Variants in GRIA2 observed in about 807,000 individuals in gnomAD.
GRIA2 encodes the protein glutamate receptor 2.
In GRIA2, 14 loss-of-function variants were observed where a neutral mutation model predicts 97.3. The observed-to-expected ratio is 0.14, with a 90% CI of 0.10 to 0.23. GRIA2 has a LOEUF of 0.23. Ranked by LOEUF, GRIA2 falls within the 10% of genes least tolerant of loss-of-function variation. The pLI is 1.00. For missense variants in GRIA2, 558 were observed against 1,069.8 expected, an observed-to-expected ratio of 0.52 and a Z score of 6.67; for synonymous variants, 412 against 387.8, an observed-to-expected ratio of 1.06 and a Z score of -0.73.
chr4:157,310,866 T>A (rs1465573082), intron 3 of GRIA2, among the ~76,000 whole-genome samples: 1 of 152,064 alleles, frequency 6.6e-6, no homozygotes, highest in Non-Finnish European at 1.5e-5. Context: ...GTAGTTAGAT[T>A]TAGAAGTGTG....
At chr4:157,221,409 G>A in intron 1 of GRIA2, 1 of 571,148 alleles carries the variant, frequency 1.8e-6, no homozygotes, top group East Asian at 2.9e-5. Flanking sequence ...TTTTCTTGGG[G>A]TCTGAATGCA....
At chr4:157,237,989 G>A (rs939350405) in intron 2 of GRIA2, among the ~76,000 whole-genome samples, 3 of 152,032 alleles carry the variant, frequency 2.0e-5, no homozygotes, top group Non-Finnish European at 4.4e-5. Context: ...CAATCCATAT[G>A]TGTTCACAAA....
chr4:157,265,448 T>C (rs1213299818), intron 2 of GRIA2, among the ~76,000 whole-genome samples: 2 of 152,110 alleles, frequency 1.3e-5, no homozygotes, highest in South Asian at 2.1e-4. Flanking sequence ...AAGCTTGCCA[T>C]GTGACCTGGG....
chr4:157,340,633 A>G (rs1476298379), intron 11 of GRIA2, among the ~76,000 whole-genome samples: 1 of 151,866 alleles, frequency 6.6e-6, no homozygotes, highest in Non-Finnish European at 1.5e-5. Flanking sequence ...CATACTCTGA[A>G]GCCATCTGAT....
At chr4:157,253,616 G>A (rs1298872408) in intron 2 of GRIA2, among the ~76,000 whole-genome samples, 2 of 151,982 alleles carry the variant, frequency 1.3e-5, no homozygotes. Context: ...TAGAATACTA[G>A]AACTTAAAAT....
At chr4:157,341,499 C>G (rs1379419681) in intron 12 of GRIA2, 37 bp downstream of exon 12, 2 of 1,418,942 alleles carry the variant, frequency 1.4e-6, no homozygotes, top group Non-Finnish European at 1.0e-6. Context: ...GATTTTGTTC[C>G]TGAAATTTAA....
chr4:157,281,297 T>C (rs1732582285), intron 2 of GRIA2, among the ~76,000 whole-genome samples: 1 of 152,114 alleles, frequency 6.6e-6, no homozygotes, highest in Non-Finnish European at 1.5e-5. Flanking sequence ...GTTTCCCTAA[T>C]TCATTGCTCT....
At chr4:157,339,418 G>C (rs1015530312) in intron 11 of GRIA2, among the ~76,000 whole-genome samples, 2 of 151,738 alleles carry the variant, frequency 1.3e-5, no homozygotes, top group African/African-American at 4.8e-5. Context: ...AATTTCTCAG[G>C]AACTCTTTGA....
At chr4:157,283,978 G>T (rs561006466) in intron 2 of GRIA2, among the ~76,000 whole-genome samples, 1 of 151,868 alleles carries the variant, frequency 6.6e-6, no homozygotes, top group South Asian at 2.1e-4. Flanking sequence ...TAATGTTAGA[G>T]AGGTTTTTAA....
At chr4:157,220,362 C>G (rs1159403467), upstream of GRIA2, 4 of 152,384 alleles carry the variant, frequency 2.6e-5, no homozygotes, top group Middle Eastern at 3.4e-3. Context: ...AACAGCCGCA[C>G]GAAGGTAGCT....
intron 2 of GRIA2, among the ~76,000 whole-genome samples, chr4:157,225,797 T>TA (rs545346723): frequency 6.6e-6 from 1 of 151,974 alleles, no homozygotes; most frequent in Non-Finnish European, 1.5e-5. Context: ...ATACAGCAAC[T>TA]AAAAAAATCT....
intron 6 of GRIA2, 24 bp from the exon 7 acceptor site, chr4:157,332,795 T>G: frequency 6.3e-7 from 1 of 1,584,982 alleles, no homozygotes; most frequent in Non-Finnish European, 8.6e-7. Flanking sequence ...CCCGTTCTTA[T>G]GAAATGTGTG....
At chr4:157,273,452 A>G (rs1732126081) in intron 2 of GRIA2, among the ~76,000 whole-genome samples, 1 of 150,198 alleles carries the variant, frequency 6.7e-6, no homozygotes. Context: ...TAAAACATCA[A>G]TGATTAATAT....
chr4:157,303,022 G>A (rs1193178615), intron 2 of GRIA2, among the ~76,000 whole-genome samples: 2 of 152,146 alleles, frequency 1.3e-5, no homozygotes, highest in Non-Finnish European at 2.9e-5. Context: ...GACAGAAGTA[G>A]CTTTGTGGGG....
At chr4:157,302,088 G>A (rs1185650843) in intron 2 of GRIA2, among the ~76,000 whole-genome samples, 2 of 151,234 alleles carry the variant, frequency 1.3e-5, no homozygotes, top group Admixed American at 6.6e-5. Flanking sequence ...CAGGAGAATC[G>A]CTTGAACCCG....
chr4:157,278,716 A>G (rs1732460114), intron 2 of GRIA2, among the ~76,000 whole-genome samples: 1 of 152,152 alleles, frequency 6.6e-6, no homozygotes, highest in African/African-American at 2.4e-5. Context: ...TATAAAAGAC[A>G]TATCTAATAA....
At chr4:157,258,512 T>A (rs935433222) in intron 2 of GRIA2, among the ~76,000 whole-genome samples, 3 of 152,094 alleles carry the variant, frequency 2.0e-5, no homozygotes, top group African/African-American at 7.2e-5. Flanking sequence ...CCTGATAAGA[T>A]ATATCAATGA....
intron 2 of GRIA2, among the ~76,000 whole-genome samples, chr4:157,300,300 A>G (rs1373806492): frequency 6.6e-6 from 1 of 152,228 alleles, no homozygotes; most frequent in African/African-American, 2.4e-5. Context: ...TGGGGCAAGC[A>G]TCAATATTTA....
chr4:157,256,238 A>ATAATAT (rs1221262781), intron 2 of GRIA2, among the ~76,000 whole-genome samples: 7,219 of 82,720 alleles, frequency 0.087, 1,069 homozygotes, highest in African/African-American at 0.16. Flanking sequence ...TATATAATAT[A>ATAATAT]TATATATAAT....
Sources: gnomAD v4.1 joint callset for allele counts (sites outside exome capture counted in the v4.1 genomes callset) on GRCh38, gnomAD v4.1.1 for gene constraint, MANE v1.5 for transcripts, NCBI Gene and HGNC (gene_info 2026-07-23, HGNC 2026-07-21) for gene names.